The following ZBTB10 variants were observed in gnomAD, a reference collection of about 807,000 sequenced individuals.
ZBTB10 encodes the protein zinc finger and BTB domain-containing protein 10.
ZBTB10 carries 32 observed loss-of-function variants against 76.4 expected under a neutral mutation model. That is an observed-to-expected ratio of 0.42 (90% CI 0.32 to 0.56). The LOEUF is 0.56. Ranked by LOEUF, ZBTB10 falls within the 20% of genes least tolerant of loss-of-function variation. The pLI, the probability that ZBTB10 is intolerant of heterozygous loss-of-function variation, is 0.14. For synonymous variants in ZBTB10, 523 were observed against 432.9 expected, an observed-to-expected ratio of 1.21 and a Z score of -2.58; for missense variants, 1,057 against 1,098.5, an observed-to-expected ratio of 0.96 and a Z score of 0.53.
rs1399445413 is a variant in ZBTB10 at position 80,525,091 on chromosome 8, C to T, written c.*5563C>T. 1 of 151,982 alleles carries T rather than the reference C, an allele frequency of 6.6e-6. No homozygotes were observed. The highest frequency in any genetic ancestry group is 2.4e-5 in the African/African-American group (1 of 41,382). The allele number at this position is 151,982 out of a possible 1,614,324, so 9.4% of individuals were successfully genotyped here. Reference sequence around the variant, plus strand: ...ATTTAGGAAATTAAGAATTTAGACACCAAGTTTGGCTTAATAGAAAAAGTC... The same window carrying T: ...ATTTAGGAAATTAAGAATTTAGACATCAAGTTTGGCTTAATAGAAAAAGTC... On this transcript the variant is annotated 3_prime_UTR_variant, in exon 6 of 6. Coordinates refer to ENST00000455036, the MANE Select transcript of ZBTB10 (RefSeq NM_001105539.3).
chr8:80,496,366 TTTC>T (rs1426753208), intron 1 of ZBTB10, among the ~76,000 whole-genome samples: 2 of 148,850 alleles, frequency 1.3e-5, no homozygotes, highest in African/African-American at 4.9e-5. Context: ...ATTTATGTGG[TTTC>T]TTTTTTTTTT....
intron 3 of ZBTB10, among the ~76,000 whole-genome samples, chr8:80,517,355 C>T (rs1345323709): frequency 6.6e-6 from 1 of 152,074 alleles, no homozygotes; most frequent in Non-Finnish European, 1.5e-5. Flanking sequence ...GATATATATT[C>T]CTATTGCCAA....
chr8:80,493,011 C>T (rs753744552), intron 1 of ZBTB10, among the ~76,000 whole-genome samples: 5 of 151,242 alleles, frequency 3.3e-5, no homozygotes, highest in Admixed American at 6.6e-5. Flanking sequence ...GTCAGGACTT[C>T]GAGACCAGCC....
chr8:80,489,112 G>A (rs1478601001), intron 1 of ZBTB10, among the ~76,000 whole-genome samples: 1 of 152,106 alleles, frequency 6.6e-6, no homozygotes, highest in Non-Finnish European at 1.5e-5. Flanking sequence ...AAGAGTCTGG[G>A]GTGACCCAAC....
rs756825455 is a variant in ZBTB10 at position 80,524,804 on chromosome 8, A to G, written c.*5276A>G. ...TTGAAAATCGGTTTTTAATTATCCA[A>G]AGATGAAATGGGGCTGCTTCAGAAA... On this transcript the variant is annotated 3_prime_UTR_variant, in exon 6 of 6. Coordinates refer to ENST00000455036, the MANE Select transcript of ZBTB10 (RefSeq NM_001105539.3). The G allele has an allele frequency of 2.0e-5, 3 of 152,188 alleles. No homozygotes were observed. Among genetic ancestry groups the G allele is most frequent in the East Asian group, 1.9e-4 (1 of 5,180 alleles). 9.4% of individuals were successfully genotyped at this position (152,188 alleles called of 1,614,324 possible).
At chr8:80,500,738 T>C (rs559267829) in intron 2 of ZBTB10, among the ~76,000 whole-genome samples, 2 of 152,344 alleles carry the variant, frequency 1.3e-5, no homozygotes, top group South Asian at 2.1e-4. Flanking sequence ...AGTTGTAATA[T>C]ATAATCACTG....
chr8:80,492,424 C>T (rs909490060), intron 1 of ZBTB10, among the ~76,000 whole-genome samples: 2 of 151,942 alleles, frequency 1.3e-5, no homozygotes, highest in Non-Finnish European at 2.9e-5. Flanking sequence ...GAGAGACAGA[C>T]ATGACCGAAA....
chr8:80,499,502 A>G lies in ZBTB10; in HGVS notation c.981A>G (p.Glu327=), dbSNP rs1815868726. ...TTTTTATCCAATTACAGGAGTCAGA[A>G]ATACCATCAGAGGAGGGGTACTGTG... is the stretch of plus-strand genomic sequence containing the variant. ...KLHEANAQES[E]IPSEEGYCDF... is the part of the protein sequence containing the mutation. The change falls in exon 2 of 6, where the codon GAA becomes GAG. Residue 327 remains glutamate (E), a synonymous_variant. Transcript: ENST00000455036. 6.3e-7 allele frequency: 1 copy of G among 1,584,870 alleles called. No individual in the cohort carries two copies. Among genetic ancestry groups the G allele is most frequent in the Admixed American group, 1.8e-5 (1 of 54,988 alleles).
In ZBTB10 at chr8:80,513,994, A is replaced by G. The variant is rs1213132049; in HGVS notation, c.1946A>G (p.Asp649Gly). 1.2e-6 allele frequency: 2 copies of G among 1,613,246 alleles called. No homozygotes were observed. The highest frequency in any genetic ancestry group is 2.7e-5 in the African/African-American group (2 of 74,892). Residue 649 changes from aspartate to glycine, a missense_variant, in exon 3 of 6, where the codon GAT becomes GGT. Physicochemically the swap from Asp to Gly is moderately conservative, Grantham distance 94 (BLOSUM62 -1). Transcript: ENST00000455036. ...NLLAEAGTSQ[D>G]GGDAGTSHDF... ...TTGGCTGAAGCTGGCACTAGTCAAGATGGAGGTGATGCTGGTAGGTACAGT... is the reference window on the plus strand; with the variant it reads ...TTGGCTGAAGCTGGCACTAGTCAAGGTGGAGGTGATGCTGGTAGGTACAGT...
At chr8:80,498,223 C>T (rs1323646725) in intron 1 of ZBTB10, among the ~76,000 whole-genome samples, 1 of 152,204 alleles carries the variant, frequency 6.6e-6, no homozygotes, top group Non-Finnish European at 1.5e-5. Context: ...GTCATCTCTA[C>T]ACCACTAACT....
At chr8:80,497,388 C>T (rs1021477087) in intron 1 of ZBTB10, among the ~76,000 whole-genome samples, 2 of 149,768 alleles carry the variant, frequency 1.3e-5, no homozygotes, top group African/African-American at 4.9e-5. Flanking sequence ...TTCCTCTATC[C>T]GTGACTTAAC....
chr8:80,493,083 A>G (rs1455899445), intron 1 of ZBTB10, among the ~76,000 whole-genome samples: 1 of 151,616 alleles, frequency 6.6e-6, no homozygotes, highest in Non-Finnish European at 1.5e-5. Context: ...GCGTGGTGGC[A>G]GGTGCCTGTA....
chr8:80,519,192 C>G, intron 5 of ZBTB10, 31 bp from the exon 6 acceptor site: 1 of 1,591,320 alleles, frequency 6.3e-7, no homozygotes, highest in Non-Finnish European at 8.6e-7. Flanking sequence ...ATATAATATC[C>G]TTATATTGGA....
chr8:80,518,611 T>A (rs1337381449), intron 4 of ZBTB10, 32 bp downstream of exon 4: 11 of 1,523,860 alleles, frequency 7.2e-6, no homozygotes, highest in Non-Finnish European at 9.7e-6. Context: ...AAATACAGAA[T>A]TAATTAAATA....
At chr8:80,493,208 C>T (rs1360781276) in intron 1 of ZBTB10, among the ~76,000 whole-genome samples, 1 of 26,248 alleles carries the variant, frequency 3.8e-5, no homozygotes, top group African/African-American at 1.1e-4. Context: ...CGCGCGCGCG[C>T]ACACACACAC....
chr8:80,493,521 T>C (rs773877299), intron 1 of ZBTB10, among the ~76,000 whole-genome samples: 1 of 151,702 alleles, frequency 6.6e-6, no homozygotes, highest in Non-Finnish European at 1.5e-5. Context: ...CAGGATGTTA[T>C]AATAACCTGA....
chr8:80,520,178 C>T lies in ZBTB10; in HGVS notation c.*650C>T, dbSNP rs1275178268. Reference sequence around the variant, plus strand: ...GAGGTAATTTATTGGAATGAACTAACTGACTTCCTCCATTCCCCTCTTCCT... The same window carrying T: ...GAGGTAATTTATTGGAATGAACTAATTGACTTCCTCCATTCCCCTCTTCCT... On this transcript the variant is annotated 3_prime_UTR_variant, in exon 6 of 6. Transcript: ENST00000455036. 1 of 152,448 alleles carries T rather than the reference C, an allele frequency of 6.6e-6. No homozygotes were observed. The highest frequency in any genetic ancestry group is 1.5e-5 in the Non-Finnish European group (1 of 67,966). The allele number at this position is 152,448 out of a possible 1,614,324, so 9.4% of individuals were successfully genotyped here.
At chr8:80,515,818 T>C (rs996726653) in intron 3 of ZBTB10, among the ~76,000 whole-genome samples, 3 of 152,202 alleles carry the variant, frequency 2.0e-5, no homozygotes, top group African/African-American at 7.2e-5. Flanking sequence ...AAGGATATTA[T>C]TGATCAGTAA....
intron 1 of ZBTB10, among the ~76,000 whole-genome samples, chr8:80,488,993 C>T (rs1362239541): frequency 1.4e-5 from 2 of 144,104 alleles, no homozygotes; most frequent in Non-Finnish European, 3.0e-5. Flanking sequence ...CCCCAGTGGA[C>T]AATGTAGTAG....
Sources: allele counts gnomAD v4.1 joint callset (sites outside exome capture counted in the v4.1 genomes callset), GRCh38; gene constraint gnomAD v4.1.1; transcripts MANE v1.5; gene names NCBI Gene and HGNC (gene_info 2026-07-23, HGNC 2026-07-21).